The following CDC14A variants were observed in gnomAD, a reference collection of about 807,000 sequenced individuals.
The protein encoded by CDC14A is dual specificity protein phosphatase CDC14A.
In CDC14A, 53 loss-of-function variants were observed where a neutral mutation model predicts 74.4. The observed-to-expected ratio is 0.71, with a 90% CI of 0.57 to 0.89. The LOEUF (loss-of-function observed/expected upper bound fraction) is 0.89, where lower values mean the gene tolerates loss of function less well. CDC14A is among the 40% of genes least tolerant of loss of function. The pLI is 0.00. For missense variants in CDC14A, 646 were observed against 713.7 expected (o/e 0.91, Z 1.08); for synonymous variants, 247 against 258.4 (o/e 0.96, Z 0.43).
At chr1:100,512,830 C>A (rs1649898206) in intron 15 of CDC14A, among the ~76,000 whole-genome samples, 1 of 152,172 alleles carries the variant, frequency 6.6e-6, no homozygotes, top group Non-Finnish European at 1.5e-5. Flanking sequence ...AAACCTTCAT[C>A]CTTTTATCTT....
Position 100,352,996 on chromosome 1 carries a change from C to T in CDC14A, c.42C>T (p.Phe14=). ...ESGELIGACE[F]MKDRLYFATL... is the part of the protein sequence containing the mutation. ...GGGAACTAATCGGGGCTTGTGAGTT[C>T]ATGAAAGGTGAGGAGCAGCCGCCCC... is the stretch of plus-strand genomic sequence containing the variant. The change falls in exon 1 of 16, where the codon TTC becomes TTT. Residue 14 remains phenylalanine, a synonymous_variant. Coordinates refer to ENST00000336454, the MANE Select transcript of CDC14A (RefSeq NM_003672.4). The T allele has an allele frequency of 6.2e-7, 1 of 1,614,114 alleles. No individual in the cohort carries two copies. Among genetic ancestry groups the T allele is most frequent in the Non-Finnish European group, 8.5e-7 (1 of 1,180,008 alleles).
intron 5 of CDC14A, among the ~76,000 whole-genome samples, chr1:100,428,998 C>T (rs145267147): frequency 0.013 from 1,910 of 151,764 alleles, 40 homozygotes; most frequent in African/African-American, 0.044. Flanking sequence ...GTCAGGAGTT[C>T]GAGACCAGCC....
chr1:100,418,027 A>C (rs1381019378), intron 4 of CDC14A, among the ~76,000 whole-genome samples: 4 of 152,162 alleles, frequency 2.6e-5, no homozygotes, highest in Non-Finnish European at 4.4e-5. Context: ...AGTTTCTATG[A>C]GGGAGCCAGA....
intron 8 of CDC14A, among the ~76,000 whole-genome samples, chr1:100,461,428 T>C (rs1667304107): frequency 1.5e-5 from 2 of 135,248 alleles, no homozygotes; most frequent in African/African-American, 6.9e-5. Context: ...GGAAACAGTC[T>C]GGTTCACTTT....
intron 4 of CDC14A, among the ~76,000 whole-genome samples, chr1:100,391,951 T>C (rs11800242): frequency 0.091 from 13,865 of 152,282 alleles, 2,189 homozygotes; most frequent in African/African-American, 0.32. Context: ...TCTTGCTCTG[T>C]AGATAGCATG....
At chr1:100,466,871 C>CAAA (rs11382441) in intron 9 of CDC14A, among the ~76,000 whole-genome samples, 4,588 of 87,072 alleles carry the variant, frequency 0.053, 302 homozygotes, top group African/African-American at 0.17. Context: ...ACTCGGTCTC[C>CAAA]AAAAAAAAAA....
chr1:100,405,115 C>T (rs1659775506), intron 4 of CDC14A, among the ~76,000 whole-genome samples: 1 of 152,062 alleles, frequency 6.6e-6, no homozygotes, highest in African/African-American at 2.4e-5. Flanking sequence ...TTTAAGAAAC[C>T]ATAATTCCCT....
At chr1:100,476,337 C>T (rs1353649029) in intron 10 of CDC14A, among the ~76,000 whole-genome samples, 1 of 152,156 alleles carries the variant, frequency 6.6e-6, no homozygotes, top group Admixed American at 6.5e-5. Context: ...CCTGTAATCC[C>T]AGCTACTTCG....
rs1045276242 is a variant in CDC14A, at chr1:100,519,166, T to C, written c.*886T>C. 1 of 152,140 alleles carries C rather than the reference T, an allele frequency of 6.6e-6. No homozygotes were observed. Among genetic ancestry groups the C allele is most frequent in the African/African-American group, 2.4e-5 (1 of 41,426 alleles). The allele number at this position is 152,140 out of a possible 1,614,324, so 9.4% of individuals were successfully genotyped here. On this transcript the variant is annotated 3_prime_UTR_variant, in exon 16 of 16. Transcript: ENST00000336454. ...AAGAGTTCTTAACCCAATTAGGATA[T>C]CCTGCTTTGGGTATGAGGTTGTTGT...
chr1:100,472,253 A>G (rs61604948), intron 10 of CDC14A, among the ~76,000 whole-genome samples: 8,670 of 152,230 alleles, frequency 0.057, 835 homozygotes, highest in African/African-American at 0.2. Context: ...TGGTACAGCT[A>G]TCTGTTGGAG....
upstream of CDC14A, among the ~76,000 whole-genome samples, chr1:100,351,110 C>A (rs1350885425): frequency 6.6e-6 from 1 of 152,026 alleles, no homozygotes; most frequent in Non-Finnish European, 1.5e-5. Flanking sequence ...ACGAGAATCG[C>A]TTGTACTCGG....
At chr1:100,387,213 A>T (rs978057574) in intron 3 of CDC14A, among the ~76,000 whole-genome samples, 2 of 152,202 alleles carry the variant, frequency 1.3e-5, no homozygotes, top group Non-Finnish European at 2.9e-5. Flanking sequence ...CAAAAGGCCT[A>T]ATTTTGATAT....
At chr1:100,392,937 A>C (rs995722335) in intron 4 of CDC14A, 4 of 782,146 alleles carry the variant, frequency 5.1e-6, no homozygotes, top group Middle Eastern at 8.2e-4. Context: ...TTTAAACATC[A>C]ATGGTTTTGG....
intron 5 of CDC14A, among the ~76,000 whole-genome samples, chr1:100,437,951 G>A (rs1447290217): frequency 6.6e-6 from 1 of 151,794 alleles, no homozygotes; most frequent in African/African-American, 2.4e-5. Flanking sequence ...TCTAGGGTCT[G>A]TGGAAGAGAA....
rs539400725 is a variant in CDC14A at position 100,511,946 on chromosome 1, T to A, written c.1756-6305T>A. ...CTGGGTCAAGTCTGGCTCCCCTGGCTTGGCATTCAGGGTTCTTCCCTGTCG... is the reference window on the plus strand; with the variant it reads ...CTGGGTCAAGTCTGGCTCCCCTGGCATGGCATTCAGGGTTCTTCCCTGTCG... On this transcript the variant is annotated intron_variant, in intron 15 of 15. Coordinates refer to ENST00000336454, the MANE Select transcript of CDC14A (RefSeq NM_003672.4). 1.4e-4 allele frequency among the ~76,000 whole-genome samples: 22 copies of A among 152,280 alleles called. No homozygotes were observed. The South Asian group carries it at 4.6e-3, about 32-fold the overall frequency.
chr1:100,394,231 C>T (rs1054665720), intron 4 of CDC14A, among the ~76,000 whole-genome samples: 4 of 152,120 alleles, frequency 2.6e-5, no homozygotes, highest in Non-Finnish European at 4.4e-5. Flanking sequence ...CCTCCTGCCT[C>T]AGCCCTCCCT....
chr1:100,471,553 T>A (rs1347310381), intron 10 of CDC14A, among the ~76,000 whole-genome samples: 1 of 152,098 alleles, frequency 6.6e-6, no homozygotes, highest in Admixed American at 6.5e-5. Context: ...TTATCTTGAA[T>A]AAGATCAAAG....
At chr1:100,443,033 C>A (rs1206874981) in intron 7 of CDC14A, 37 bp downstream of exon 7, 3 of 1,356,586 alleles carry the variant, frequency 2.2e-6, no homozygotes, top group Non-Finnish European at 3.2e-6. Context: ...AACATAATTT[C>A]ATGTTGATTA....
At chr1:100,354,690 A>C (rs1483661439) in intron 2 of CDC14A, among the ~76,000 whole-genome samples, 1 of 152,244 alleles carries the variant, frequency 6.6e-6, no homozygotes, top group Admixed American at 6.5e-5. Context: ...TTTTATGAAA[A>C]GAGCTGGTGT....
Sources: gnomAD v4.1 joint callset for allele counts (sites outside exome capture counted in the v4.1 genomes callset) on GRCh38, gnomAD v4.1.1 for gene constraint, MANE v1.5 for transcripts, NCBI Gene and HGNC (gene_info 2026-07-23, HGNC 2026-07-21) for gene names.